GPAT3: variants seen among roughly 807,000 people sequenced by gnomAD.
GPAT3 encodes the protein glycerol-3-phosphate acyltransferase 3.
GPAT3 carries 53 observed loss-of-function variants against 58.8 expected under a neutral mutation model. The observed-to-expected ratio is 0.90, with a 90% CI of 0.72 to 1.13. GPAT3 has a LOEUF of 1.13. GPAT3 is among the 50% of genes most tolerant of loss of function. GPAT3 has a pLI of 0.00. For synonymous variants in GPAT3, 197 were observed against 187.4 expected, an observed-to-expected ratio of 1.05 and a Z score of -0.42; for missense variants, 511 against 527.6, an observed-to-expected ratio of 0.97 and a Z score of 0.31.
In GPAT3 at chr4:83,536,745, C is replaced by A. The variant is rs1419119584; in HGVS notation, c.123C>A (p.Ile41=). ...SLGISEIYMK[I]LVKTLEWATI... ...GCATCTCCGAGATCTACATGAAGATCCTAGTGAAAACTTTAGAGGTGAGTG... is the reference window on the plus strand; with the variant it reads ...GCATCTCCGAGATCTACATGAAGATACTAGTGAAAACTTTAGAGGTGAGTG... Residue 41 remains isoleucine, a synonymous_variant, in exon 1 of 12, where the codon ATC becomes ATA. Coordinates refer to ENST00000264409, the MANE Select transcript of GPAT3 (RefSeq NM_032717.5). 2.5e-6 allele frequency: 4 copies of A among 1,612,452 alleles called. No individual in the cohort carries two copies. The highest frequency in any genetic ancestry group is 1.7e-5 in the Admixed American group (1 of 59,938).
At chr4:83,569,161 C>T (rs913862859) in intron 2 of GPAT3, among the ~76,000 whole-genome samples, 4 of 152,132 alleles carry the variant, frequency 2.6e-5, no homozygotes, top group African/African-American at 7.2e-5. Flanking sequence ...GGGGCAAGTC[C>T]AGGTCTTGTG....
intron 2 of GPAT3, among the ~76,000 whole-genome samples, chr4:83,560,923 A>C (rs1344635869): frequency 6.6e-6 from 1 of 152,270 alleles, no homozygotes; most frequent in South Asian, 2.1e-4. Context: ...AGGCCTCCCC[A>C]GAAGCAGATG....
intron 1 of GPAT3, 103 bp downstream of exon 1, chr4:83,536,866 G>A: frequency 1.8e-6 from 2 of 1,116,062 alleles, no homozygotes; most frequent in Non-Finnish European, 2.6e-6. Context: ...GTGTGTGTGC[G>A]CGCGTGTGCA....
At position 83,578,985 on chromosome 4, in the gene GPAT3, TTTCCTTCC is replaced by T. The variant is rs1185459852; in HGVS notation, c.209-2557_209-2550del. On this transcript the variant is annotated intron_variant, in intron 2 of 11. Coordinates refer to ENST00000264409, the MANE Select transcript of GPAT3 (RefSeq NM_032717.5). ...CTTTCTTTCTTTCTTTCTTTCTTTCTTTCCTTCCTTCCTTCCTTCCTTCCTTCTTTCCC... is the reference window on the plus strand; with the variant it reads ...CTTTCTTTCTTTCTTTCTTTCTTTCTTTCCTTCCTTCCTTCCTTCTTTCCC... 2.9e-3 allele frequency among the ~76,000 whole-genome samples: 378 copies of T among 131,856 alleles called. 19 individuals carry two copies. The highest frequency in any genetic ancestry group is 0.011 in the African/African-American group (349 of 31,998). The allele number at this position is 131,856 out of a possible 152,430, so 86.5% of individuals were successfully genotyped here.
intron 3 of GPAT3, among the ~76,000 whole-genome samples, chr4:83,584,311 C>T (rs530662304): frequency 6.6e-6 from 1 of 152,218 alleles, no homozygotes; most frequent in African/African-American, 2.4e-5. Context: ...TATAAGCATC[C>T]AAGAACAAAA....
chr4:83,568,303 C>G (rs1278417103), intron 2 of GPAT3, among the ~76,000 whole-genome samples: 1 of 151,966 alleles, frequency 6.6e-6, no homozygotes, highest in Admixed American at 6.6e-5. Flanking sequence ...TTGAGTAGCG[C>G]TTAGGAAAAC....
chr4:83,601,769 CAAAT>C (rs1370503933), intron 11 of GPAT3, among the ~76,000 whole-genome samples: 8 of 152,248 alleles, frequency 5.3e-5, no homozygotes, highest in Middle Eastern at 3.4e-3. Flanking sequence ...AATAAATAAA[CAAAT>C]AAATAAAATT....
chr4:83,541,884 C>T (rs1253189080), intron 1 of GPAT3, among the ~76,000 whole-genome samples: 1 of 152,240 alleles, frequency 6.6e-6, no homozygotes. Flanking sequence ...GTGGCCCTTT[C>T]TCTCTGTGCT....
chr4:83,597,089 T>C (rs1726871675), intron 8 of GPAT3, among the ~76,000 whole-genome samples, 176 bp downstream of exon 8: 2 of 152,198 alleles, frequency 1.3e-5, no homozygotes, highest in South Asian at 4.1e-4. Flanking sequence ...TTGATAGAAG[T>C]CATGTTACCT....
chr4:83,560,759 A>G (rs1292688465), intron 2 of GPAT3, among the ~76,000 whole-genome samples: 1 of 152,158 alleles, frequency 6.6e-6, no homozygotes, highest in African/African-American at 2.4e-5. Context: ...CACCATCCCC[A>G]TGGTACTGTC....
chr4:83,586,153 C>G (rs1346853471), intron 3 of GPAT3, among the ~76,000 whole-genome samples: 1 of 152,030 alleles, frequency 6.6e-6, no homozygotes, highest in African/African-American at 2.4e-5. Flanking sequence ...TAGAATATTG[C>G]GTGGTGTATA....
At chr4:83,598,267 G>C in intron 10 of GPAT3, 88 bp downstream of exon 10, 1 of 1,523,348 alleles carries the variant, frequency 6.6e-7, no homozygotes, top group Non-Finnish European at 8.8e-7. Context: ...TCCATGTCAT[G>C]CTTTTCTGCT....
intron 11 of GPAT3, among the ~76,000 whole-genome samples, chr4:83,599,033 C>A (rs183207118): frequency 6.6e-6 from 1 of 151,880 alleles, no homozygotes; most frequent in East Asian, 1.9e-4. Flanking sequence ...GAACTCCTGC[C>A]TAAGCCTTTC....
intron 8 of GPAT3, 123 bp downstream of exon 8, chr4:83,597,036 A>G (rs1345572432): frequency 1.3e-6 from 1 of 785,400 alleles, no homozygotes; most frequent in Non-Finnish European, 2.1e-6. Flanking sequence ...GAGGAATGGG[A>G]TGGCACTCTC....
At chr4:83,562,214 T>TATATATAATATATATATATATA (rs1553944918) in intron 2 of GPAT3, among the ~76,000 whole-genome samples, 2 of 77,116 alleles carry the variant, frequency 2.6e-5, no homozygotes, top group African/African-American at 1.2e-4. Context: ...ATATATATTA[T>TATATATAATATATATATATATA]ATATATATAT....
At chr4:83,595,804 G>A (rs1008249247) in intron 7 of GPAT3, among the ~76,000 whole-genome samples, 2 of 152,154 alleles carry the variant, frequency 1.3e-5, no homozygotes, top group Admixed American at 6.5e-5. Flanking sequence ...AGAAACCTTC[G>A]TTAGGAAACA....
intron 2 of GPAT3, among the ~76,000 whole-genome samples, chr4:83,572,591 C>A (rs893733659): frequency 2.6e-5 from 4 of 151,974 alleles, no homozygotes; most frequent in African/African-American, 7.3e-5. Flanking sequence ...ATTAGAAATA[C>A]CATAGTCTCA....
intron 5 of GPAT3, 130 bp downstream of exon 5, chr4:83,588,429 C>A: frequency 1.3e-6 from 1 of 747,432 alleles, no homozygotes; most frequent in Non-Finnish European, 2.3e-6. Context: ...ATCTCTACTT[C>A]TCAGTGTGGC....
Position 83,590,193 on chromosome 4 carries a change from T to G in GPAT3, c.645-6T>G. On this transcript the variant is annotated splice_region_variant and splice_polypyrimidine_tract_variant and intron_variant, in intron 5 of 11. Coordinates refer to ENST00000264409, the MANE Select transcript of GPAT3 (RefSeq NM_032717.5). Reference sequence around the variant, plus strand: ...ACTTCGAATTTTCCATTGTTTGTAATTGCAGGCAGTACAGACCCCAGAAGG... The same window carrying G: ...ACTTCGAATTTTCCATTGTTTGTAAGTGCAGGCAGTACAGACCCCAGAAGG... The G allele has an allele frequency of 6.2e-7, 1 of 1,609,996 alleles. No homozygotes were observed. Among genetic ancestry groups the G allele is most frequent in the Non-Finnish European group, 8.5e-7 (1 of 1,178,410 alleles).
Sources: allele counts gnomAD v4.1 joint callset (sites outside exome capture counted in the v4.1 genomes callset), GRCh38; gene constraint gnomAD v4.1.1; transcripts MANE v1.5; gene names NCBI Gene and HGNC (gene_info 2026-07-23, HGNC 2026-07-21).